PTPN18: variants seen among roughly 807,000 people sequenced by gnomAD.
PTPN18 encodes the protein tyrosine-protein phosphatase non-receptor type 18.
Under a neutral mutation model 65.4 loss-of-function variants are expected in PTPN18, and 65 were observed. That is an observed-to-expected ratio of 0.99 (90% CI 0.81 to 1.22). The LOEUF is 1.22. Ranked by LOEUF, PTPN18 falls within the 50% of genes most tolerant of loss-of-function variation. PTPN18 has a pLI of 0.00. For missense variants in PTPN18, 616 were observed against 646.5 expected (o/e 0.95, Z 0.51); for synonymous variants, 255 against 267.8 (o/e 0.95, Z 0.47).
At position 130,372,444 on chromosome 2, in the gene PTPN18, G is replaced by T. The variant is rs531398031; in HGVS notation, c.1201G>T (p.Ala401Ser). 7.3e-7 allele frequency: 1 copy of T among 1,369,126 alleles called. No homozygotes were observed. The highest frequency in any genetic ancestry group is 3.0e-5 in the East Asian group (1 of 33,044). 84.8% of individuals were successfully genotyped at this position (1,369,126 alleles called of 1,614,324 possible). A position where few individuals can be genotyped will look rare whatever the true frequency, so the allele number is the denominator to read the frequency against. ...GACGCCGCGCGCCCAGCGACCCGGGGCGCACGCGGAGGACGCGAGGGGGAC... is the reference window on the plus strand; with the variant it reads ...GACGCCGCGCGCCCAGCGACCCGGGTCGCACGCGGAGGACGCGAGGGGGAC... ...KVTPRAQRPG[A>S]HAEDARGTLP... The change falls in exon 13 of 15, where the codon GCG becomes TCG. Residue 401 changes from alanine (A) to serine (S), a missense_variant. This residue lies in a region of PTPN18 where 368 missense variants were observed against 386.7 expected (regional missense o/e 0.95). Coordinates refer to ENST00000175756, the MANE Select transcript of PTPN18 (RefSeq NM_014369.4).
rs70994707 is a variant in PTPN18 at position 130,361,512 on chromosome 2, CTCTTTCTTTCTTTCTTTCTT to C, written c.414+1901_414+1920del. Among the ~76,000 whole-genome samples the C allele has an allele frequency of 3.6e-3, 440 of 122,932 alleles. 1 individual carries two copies. The highest frequency in any genetic ancestry group is 7.0e-3 in the South Asian group (25 of 3,580). 80.6% of individuals were successfully genotyped at this position (122,932 alleles called of 152,430 possible). On this transcript the variant is annotated intron_variant, in intron 5 of 14. Coordinates refer to ENST00000175756, the MANE Select transcript of PTPN18 (RefSeq NM_014369.4). ...CCATTTAAATTTCTTTCTTTTCTTT[CTCTTTCTTTCTTTCTTTCTT>C]TCTTTCTTTCTTTCTTTCTTTCTTT... is the stretch of plus-strand genomic sequence containing the variant.
At chr2:130,364,073 G>A (rs1303722805) in intron 5 of PTPN18, among the ~76,000 whole-genome samples, 3 of 151,972 alleles carry the variant, frequency 2.0e-5, no homozygotes, top group Non-Finnish European at 4.4e-5. Flanking sequence ...TGTGAGGAAT[G>A]TTAAAAATAA....
intron 5 of PTPN18, 200 bp downstream of exon 5, chr2:130,359,846 G>T: frequency 1.5e-6 from 1 of 648,532 alleles, no homozygotes; most frequent in Non-Finnish European, 2.7e-6. Context: ...CTCTCCTGCT[G>T]GGCTTCCCAG....
Position 130,360,015 on chromosome 2 carries a change from CT to C in PTPN18, c.414+371del, listed in dbSNP as rs201927565. On this transcript the variant is annotated intron_variant, in intron 5 of 14. Transcript: ENST00000175756. ...GATGGCTCTGCCTCAGGGTCTGTGCCTTGGCTATTCCTTCAGCCTAGGACAT... is the reference window on the plus strand; with the variant it reads ...GATGGCTCTGCCTCAGGGTCTGTGCCTGGCTATTCCTTCAGCCTAGGACAT... The C allele has an allele frequency of 4.2e-3, 1,097 of 260,488 alleles. 15 individuals carry two copies. The highest frequency in any genetic ancestry group is 0.022 in the African/African-American group (1,020 of 45,874). The allele number at this position is 260,488 out of a possible 1,614,324, so 16.1% of individuals were successfully genotyped here.
Position 130,370,687 on chromosome 2 carries a change from C to T in PTPN18, c.757-18C>T, listed in dbSNP as rs769571233. Reference sequence around the variant, plus strand: ...ATGACCACGTGTCCTGCTCAAGTGCCTTGTCTGTCTGCCCCAGATGATCCC... The same window carrying T: ...ATGACCACGTGTCCTGCTCAAGTGCTTTGTCTGTCTGCCCCAGATGATCCC... On this transcript the variant is annotated intron_variant, in intron 9 of 14. Coordinates refer to ENST00000175756, the MANE Select transcript of PTPN18 (RefSeq NM_014369.4). The T allele has an allele frequency of 6.2e-7, 1 of 1,614,162 alleles. No homozygotes were observed. The highest frequency in any genetic ancestry group is 8.5e-7 in the Non-Finnish European group (1 of 1,179,992).
rs1219276547 is a variant in PTPN18 at position 130,372,789 on chromosome 2, C to T, written c.1241-84C>T. 8 of 1,517,828 alleles carry T rather than the reference C, an allele frequency of 5.3e-6. No individual in the cohort carries two copies. The African/African-American group carries it at 6.9e-5, about 13-fold the overall frequency. The allele number at this position is 1,517,828 out of a possible 1,614,324, so 94.0% of individuals were successfully genotyped here. A position where few individuals can be genotyped will look rare whatever the true frequency, so the allele number is the denominator to read the frequency against. ...CCCTCGGCTCTCCCCTTCGGGCCTC[C>T]GGGGAAGCGTCCCCGCTAGGGGTGG... On this transcript the variant is annotated intron_variant, in intron 13 of 14. Transcript: ENST00000175756.
At chr2:130,359,031 A>G (rs1050099198) in intron 2 of PTPN18, 56 bp downstream of exon 2, 4 of 1,571,996 alleles carry the variant, frequency 2.5e-6, no homozygotes, top group Non-Finnish European at 3.5e-6. Flanking sequence ...TGCCACGTCC[A>G]GGCGTCAGTG....
At chr2:130,360,595 C>T (rs955697204) in intron 5 of PTPN18, among the ~76,000 whole-genome samples, 1 of 152,190 alleles carries the variant, frequency 6.6e-6, no homozygotes, top group Non-Finnish European at 1.5e-5. Context: ...TATTAGAACA[C>T]AGCCACACTC....
At chr2:130,372,696 A>G in intron 13 of PTPN18, 177 bp from the exon 14 acceptor site, 2 of 965,554 alleles carry the variant, frequency 2.1e-6, no homozygotes, top group Non-Finnish European at 3.0e-6. Context: ...GTTCCTGGCA[A>G]TACTTGTCTT....
intron 5 of PTPN18, 181 bp downstream of exon 5, chr2:130,359,827 T>C (rs893972755): frequency 1.4e-6 from 1 of 728,996 alleles, no homozygotes; most frequent in Non-Finnish European, 2.3e-6. Flanking sequence ...CCCCCAGTGT[T>C]GGCAACCCCT....
At position 130,373,259 on chromosome 2, in the gene PTPN18, A is replaced by C; in HGVS notation, c.*35A>C. ...CAGTTCCTGCCTGTTGCCTCTTGTG[A>C]GCTCGGACTGCTGATGCCCCGGTGC... On this transcript the variant is annotated 3_prime_UTR_variant, in exon 15 of 15. Coordinates refer to ENST00000175756, the MANE Select transcript of PTPN18 (RefSeq NM_014369.4). This position sits in a 1 kb window ranked among gnomAD's most constrained non-coding sequence, Gnocchi z 4.1. 6.5e-7 allele frequency: 1 copy of C among 1,529,250 alleles called. No individual in the cohort carries two copies. The highest frequency in any genetic ancestry group is 1.4e-5 in the African/African-American group (1 of 71,988). The allele number at this position is 1,529,250 out of a possible 1,614,324, so 94.7% of individuals were successfully genotyped here.
intron 5 of PTPN18, among the ~76,000 whole-genome samples, chr2:130,366,900 T>C (rs566156173): frequency 1.6e-3 from 251 of 152,240 alleles, no homozygotes; most frequent in African/African-American, 5.7e-3. Flanking sequence ...CACCACTCAC[T>C]GCAGCCTCAA....
chr2:130,360,121 G>C (rs747357128), intron 5 of PTPN18, among the ~76,000 whole-genome samples: 1 of 152,136 alleles, frequency 6.6e-6, no homozygotes, highest in African/African-American at 2.4e-5. Flanking sequence ...TCCGGGGTGG[G>C]TCTTCACACC....
At chr2:130,368,912 A>G in intron 5 of PTPN18, 1 of 464,500 alleles carries the variant, frequency 2.2e-6, no homozygotes, top group South Asian at 3.4e-5. Context: ...GTGGGAGGGT[A>G]TCCTGGACTG....
intron 5 of PTPN18, among the ~76,000 whole-genome samples, chr2:130,365,358 T>C (rs1414169684): frequency 6.6e-6 from 1 of 152,260 alleles, no homozygotes; most frequent in Admixed American, 6.5e-5. Flanking sequence ...TTGGTTTTCA[T>C]GTGCTTATTC....
intron 5 of PTPN18, chr2:130,362,337 T>C (rs1680242499): frequency 3.2e-6 from 1 of 309,894 alleles, no homozygotes; most frequent in African/African-American, 2.3e-5. Flanking sequence ...TTTAATGTAA[T>C]TATCAATAAT....
intron 5 of PTPN18, chr2:130,368,919 A>G (rs1187070543): frequency 4.1e-6 from 2 of 486,954 alleles, no homozygotes; most frequent in Non-Finnish European, 3.7e-6. Flanking sequence ...GGTATCCTGG[A>G]CTGTATTTCC....
chr2:130,374,793 C>T lies in PTPN18; in HGVS notation c.*1569C>T, dbSNP rs72988366. The T allele has an allele frequency of 0.026, 11,726 of 442,648 alleles. 651 individuals are homozygous for T. Among genetic ancestry groups the T allele is most frequent in the African/African-American group, 0.15 (7,349 of 49,484 alleles). The allele number at this position is 442,648 out of a possible 1,614,324, so 27.4% of individuals were successfully genotyped here. ...TAGGGCTGGCCTTCCTCTGCCTCTGCCTGGCTGCATCCATGGTCGATCTCA... is the reference window on the plus strand; with the variant it reads ...TAGGGCTGGCCTTCCTCTGCCTCTGTCTGGCTGCATCCATGGTCGATCTCA... On this transcript the variant is annotated 3_prime_UTR_variant, in exon 15 of 15. Coordinates refer to ENST00000175756, the MANE Select transcript of PTPN18 (RefSeq NM_014369.4).
chr2:130,361,553 TCTTTCTTTCTTTC>T (rs1195957689), intron 5 of PTPN18, among the ~76,000 whole-genome samples: 114 of 138,022 alleles, frequency 8.3e-4, no homozygotes, highest in South Asian at 3.0e-3. Flanking sequence ...TTTCTTTCTT[TCTTTCTTTCTTTC>T]CTTTCTTTCC....
Sources: gnomAD v4.1 joint callset for allele counts (sites outside exome capture counted in the v4.1 genomes callset) on GRCh38, gnomAD v4.1.1 for gene constraint, gnomAD v4.1.1 regional missense constraint, Gnocchi (gnomAD v3.1) non-coding constraint, MANE v1.5 for transcripts, NCBI Gene and HGNC (gene_info 2026-07-23, HGNC 2026-07-21) for gene names.